Variants in GPX2 observed in about 807,000 individuals in gnomAD.
GPX2 encodes glutathione peroxidase 2, also known as gastrointestinal glutathione peroxidase.
GPX2 carries 21 observed loss-of-function variants against 14.1 expected under a neutral mutation model. The ratio of observed to expected loss-of-function variants is 1.48; its 90% CI spans 1.05 to 2.14. GPX2 has a LOEUF of 2.14. Ranked by LOEUF, GPX2 falls within the 30% of genes most tolerant of loss-of-function variation. GPX2 has a pLI of 0.00. For synonymous variants in GPX2, 94 were observed against 95.2 expected, an observed-to-expected ratio of 0.99 and a Z score of 0.07; for missense variants, 241 against 249.8, an observed-to-expected ratio of 0.96 and a Z score of 0.24.
chr14:64,942,369 C>T (rs913518971), intron 1 of GPX2, 136 bp downstream of exon 1: 6 of 671,294 alleles, frequency 8.9e-6, no homozygotes, highest in South Asian at 3.6e-5. Flanking sequence ...GTCACATGCA[C>T]CTAAAGACCT....
At position 64,939,870 on chromosome 14, in the gene GPX2, A is replaced by G. The variant is rs775196088; in HGVS notation, c.223-32T>C. 3 of 1,604,098 alleles carry G rather than the reference A, an allele frequency of 1.9e-6. No individual in the cohort carries two copies. The highest frequency in any genetic ancestry group is 1.1e-5 in the South Asian group (1 of 90,094). On this transcript the variant is annotated intron_variant, in intron 1 of 1. Coordinates refer to ENST00000389614, the MANE Select transcript of GPX2 (RefSeq NM_002083.4). The surrounding 1 kb of genome is among the most constrained non-coding windows in gnomAD (Gnocchi z 5.7). ...GAGGAAAAAGACAAAGTGCGTGGAC[A>G]GTGGGTGGGGGAAGAGAAAGATCCA... is the stretch of plus-strand genomic sequence containing the variant.
At position 64,939,832 on chromosome 14, in the gene GPX2, A is replaced by G; in HGVS notation, c.229T>C (p.Cys77Arg). The G allele has an allele frequency of 6.2e-7, 1 of 1,613,262 alleles. No homozygotes were observed. The highest frequency in any genetic ancestry group is 1.1e-5 in the South Asian group (1 of 91,074). ...CTGTTCAGGATCTCCTCATTCTGAC[A>G]GTTCTCCTAGGGGAGGAAAAAGACA... Reference protein sequence around the residue: ...PCNQFGHQENCQNEEILNSLK... With the variant: ...PCNQFGHQENRQNEEILNSLK... The change falls in exon 2 of 2, where the codon TGT becomes CGT. Residue 77 changes from cysteine to arginine, a missense_variant. Cys to Arg is a radical substitution (Grantham distance 180). Transcript: ENST00000389614. This position sits in a 1 kb window ranked among gnomAD's most constrained non-coding sequence, Gnocchi z 5.7.
Position 64,942,554 on chromosome 14 carries a change from G to A in GPX2, c.173C>T (p.Pro58Leu). 6.2e-7 allele frequency: 1 copy of A among 1,614,216 alleles called. No homozygotes were observed. Among genetic ancestry groups the A allele is most frequent in the Non-Finnish European group, 8.5e-7 (1 of 1,180,040 alleles). ...GAAGCCAAGGACCACCAGGCGCCTG[G>A]GAAAGCGGCATTGCAGCTCGTTGAG... Reference protein sequence around the residue: ...TQLNELQCRFPRRLVVLGFPC... With the variant: ...TQLNELQCRFLRRLVVLGFPC... Residue 58 changes from proline to leucine, a missense_variant, in exon 1 of 2, where the codon CCC becomes CTC. Coordinates refer to ENST00000389614, the MANE Select transcript of GPX2 (RefSeq NM_002083.4).
rs1013676538 is a variant in GPX2, at chr14:64,940,211, G to A, written c.223-373C>T. The A allele has an allele frequency of 1.5e-6, 2 of 1,301,156 alleles. No individual in the cohort carries two copies. The highest frequency in any genetic ancestry group is 2.0e-6 in the Non-Finnish European group (2 of 996,646). 80.6% of individuals were successfully genotyped at this position (1,301,156 alleles called of 1,614,324 possible). ...ACCCTGAGCAGTTCTTAAGGTGTTT[G>A]AAGCAGAAGAAAGAGAAAAGAGGCT... is the stretch of plus-strand genomic sequence containing the variant. On this transcript the variant is annotated intron_variant, in intron 1 of 1. Coordinates refer to ENST00000389614, the MANE Select transcript of GPX2 (RefSeq NM_002083.4). This position sits in a 1 kb window ranked among gnomAD's most constrained non-coding sequence, Gnocchi z 4.5.
chr14:64,940,552 A>G lies in GPX2; in HGVS notation c.223-714T>C, dbSNP rs1885577059. Among the ~76,000 whole-genome samples the G allele has an allele frequency of 6.6e-6, 1 of 152,248 alleles. No homozygotes were observed. Among genetic ancestry groups the G allele is most frequent in the African/African-American group, 2.4e-5 (1 of 41,470 alleles). ...CAAGAACATCTAGTTTTCAGGTGCCATAACAGCAGAGCAAGTTCAAGGCAA... is the reference window on the plus strand; with the variant it reads ...CAAGAACATCTAGTTTTCAGGTGCCGTAACAGCAGAGCAAGTTCAAGGCAA... On this transcript the variant is annotated intron_variant, in intron 1 of 1. Coordinates refer to ENST00000389614, the MANE Select transcript of GPX2 (RefSeq NM_002083.4). This position sits in a 1 kb window ranked among gnomAD's most constrained non-coding sequence, Gnocchi z 4.5.
chr14:64,940,159 C>G lies in GPX2; in HGVS notation c.223-321G>C, dbSNP rs1232938260. On this transcript the variant is annotated intron_variant, in intron 1 of 1. Coordinates refer to ENST00000389614, the MANE Select transcript of GPX2 (RefSeq NM_002083.4). This position sits in a 1 kb window ranked among gnomAD's most constrained non-coding sequence, Gnocchi z 4.5. ...GGCTGCTCTTCAAGATTTAGCACTT[C>G]TGAGCTGTTGCTTTTGTCTCCAGTC... 2.2e-6 allele frequency: 3 copies of G among 1,345,226 alleles called. No homozygotes were observed. Among genetic ancestry groups the G allele is most frequent in the Non-Finnish European group, 2.9e-6 (3 of 1,026,222 alleles). The allele number at this position is 1,345,226 out of a possible 1,614,324, so 83.3% of individuals were successfully genotyped here. A position where few individuals can be genotyped will look rare whatever the true frequency, so the allele number is the denominator to read the frequency against.
Position 64,940,214 on chromosome 14 carries a change from G to A in GPX2, c.223-376C>T. ...CTGAGCAGTTCTTAAGGTGTTTGAAGCAGAAGAAAGAGAAAAGAGGCTTAG... is the reference window on the plus strand; with the variant it reads ...CTGAGCAGTTCTTAAGGTGTTTGAAACAGAAGAAAGAGAAAAGAGGCTTAG... On this transcript the variant is annotated intron_variant, in intron 1 of 1. Coordinates refer to ENST00000389614, the MANE Select transcript of GPX2 (RefSeq NM_002083.4). The surrounding 1 kb of genome is among the most constrained non-coding windows in gnomAD (Gnocchi z 4.5). 7.7e-7 allele frequency: 1 copy of A among 1,299,356 alleles called. No homozygotes were observed. The highest frequency in any genetic ancestry group is 1.0e-6 in the Non-Finnish European group (1 of 995,088). The allele number at this position is 1,299,356 out of a possible 1,614,324, so 80.5% of individuals were successfully genotyped here.
chr14:64,939,466 C>G lies in GPX2; in HGVS notation c.*22G>C. On this transcript the variant is annotated 3_prime_UTR_variant, in exon 2 of 2. Coordinates refer to ENST00000389614, the MANE Select transcript of GPX2 (RefSeq NM_002083.4). This position sits in a 1 kb window ranked among gnomAD's most constrained non-coding sequence, Gnocchi z 5.7. The stretch of plus-strand genomic sequence containing the variant: ...CTCAGGACTGGATGGAGTAGGAGAT[C>G]TGTGTGTTGAGCAGTTCACATCTAT... The G allele has an allele frequency of 6.3e-7, 1 of 1,579,922 alleles. No individual in the cohort carries two copies.
intron 1 of GPX2, among the ~76,000 whole-genome samples, chr14:64,941,717 C>T (rs113991216): frequency 7.9e-5 from 12 of 152,120 alleles, no homozygotes; most frequent in African/African-American, 2.4e-4. Flanking sequence ...CCTGCTTGTA[C>T]GTTAAAATCA....
rs1885568872 is a variant in GPX2, at chr14:64,940,401, C to G, written c.223-563G>C. ...ATAGCCTTTGCCTCTGCCTACTCAG[C>G]TCCTTGAACTGAGGGTGAAATTGAG... On this transcript the variant is annotated intron_variant, in intron 1 of 1. Coordinates refer to ENST00000389614, the MANE Select transcript of GPX2 (RefSeq NM_002083.4). This position sits in a 1 kb window ranked among gnomAD's most constrained non-coding sequence, Gnocchi z 4.5. 6.6e-6 allele frequency among the ~76,000 whole-genome samples: 1 copy of G among 152,182 alleles called. No individual in the cohort carries two copies. Among genetic ancestry groups the G allele is most frequent in the African/African-American group, 2.4e-5 (1 of 41,428 alleles).
Position 64,942,575 on chromosome 14 carries a change from T to G in GPX2, c.152A>C (p.Asn51Thr). 1 of 1,614,138 alleles carries G rather than the reference T, an allele frequency of 6.2e-7. No individual in the cohort carries two copies. The highest frequency in any genetic ancestry group is 8.5e-7 in the Non-Finnish European group (1 of 1,180,010). Residue 51 changes from asparagine (N) to threonine (T), a missense_variant, in exon 1 of 2, where the codon AAC becomes ACC. Asn to Thr is a moderately conservative substitution (Grantham distance 65). Transcript: ENST00000389614. Reference protein sequence around the residue: ...GTTTRDFTQLNELQCRFPRRL... With the variant: ...GTTTRDFTQLTELQCRFPRRL... ...CCTGGGAAAGCGGCATTGCAGCTCGTTGAGCTGGGTGAAGTCCCGGGTGGT... is the reference window on the plus strand; with the variant it reads ...CCTGGGAAAGCGGCATTGCAGCTCGGTGAGCTGGGTGAAGTCCCGGGTGGT...
At position 64,940,074 on chromosome 14, in the gene GPX2, G is replaced by A. The variant is rs887272987; in HGVS notation, c.223-236C>T. 4.3e-5 allele frequency: 62 copies of A among 1,435,726 alleles called. No individual in the cohort carries two copies. The Admixed American group carries it at 6.6e-4, about 15-fold the overall frequency. 88.9% of individuals were successfully genotyped at this position (1,435,726 alleles called of 1,614,324 possible). A position where few individuals can be genotyped will look rare whatever the true frequency, so the allele number is the denominator to read the frequency against. ...TGAGACTACAGACACAGGCCACCAT[G>A]CCCGGCTAATTTTTTTTTTTTTTTG... On this transcript the variant is annotated intron_variant, in intron 1 of 1. Transcript: ENST00000389614. This position sits in a 1 kb window ranked among gnomAD's most constrained non-coding sequence, Gnocchi z 4.5.
At chr14:64,941,974 G>GTA (rs1885666426) in intron 1 of GPX2, among the ~76,000 whole-genome samples, 1 of 152,126 alleles carries the variant, frequency 6.6e-6, no homozygotes, top group African/African-American at 2.4e-5. Flanking sequence ...AGTTACTTTT[G>GTA]TATATCCTGT....
rs1325111092 is a variant in GPX2, at chr14:64,940,005, C to A, written c.223-167G>T. 7 of 1,473,518 alleles carry A rather than the reference C, an allele frequency of 4.8e-6. No homozygotes were observed. The highest frequency in any genetic ancestry group is 6.2e-6 in the Non-Finnish European group (7 of 1,122,028). The allele number at this position is 1,473,518 out of a possible 1,614,324, so 91.3% of individuals were successfully genotyped here. ...AGGTGTTGCTCACTGCAGCCTTGAA[C>A]TTCTGGGCTCAAGCATTCCTCCTGC... On this transcript the variant is annotated intron_variant, in intron 1 of 1. Coordinates refer to ENST00000389614, the MANE Select transcript of GPX2 (RefSeq NM_002083.4). The surrounding 1 kb of genome is among the most constrained non-coding windows in gnomAD (Gnocchi z 4.5).
intron 1 of GPX2, chr14:64,941,281 T>C: frequency 1.1e-6 from 1 of 948,516 alleles, no homozygotes; most frequent in Non-Finnish European, 1.4e-6. Flanking sequence ...TTGCTCAGGC[T>C]AATCTTGAAC....
In GPX2 at chr14:64,939,884, G is replaced by C; in HGVS notation, c.223-46C>G. ...AGTGCGTGGACAGTGGGTGGGGGAA[G>C]AGAAAGATCCACAACATGAAACTCT... On this transcript the variant is annotated intron_variant, in intron 1 of 1. Coordinates refer to ENST00000389614, the MANE Select transcript of GPX2 (RefSeq NM_002083.4). The surrounding 1 kb of genome is among the most constrained non-coding windows in gnomAD (Gnocchi z 5.7). 2 of 1,591,026 alleles carry C rather than the reference G, an allele frequency of 1.3e-6. No individual in the cohort carries two copies. The highest frequency in any genetic ancestry group is 1.7e-6 in the Non-Finnish European group (2 of 1,167,312).
At position 64,940,120 on chromosome 14, in the gene GPX2, G is replaced by A; in HGVS notation, c.223-282C>T. The A allele has an allele frequency of 1.5e-6, 2 of 1,377,882 alleles. No individual in the cohort carries two copies. Among genetic ancestry groups the A allele is most frequent in the Non-Finnish European group, 1.9e-6 (2 of 1,047,862 alleles). The allele number at this position is 1,377,882 out of a possible 1,614,324, so 85.4% of individuals were successfully genotyped here. Reference sequence around the variant, plus strand: ...TTTTGTAGAGATGGGGTCTCACTTTGTTGCCCATGCTTTGGCTGCTCTTCA... The same window carrying A: ...TTTTGTAGAGATGGGGTCTCACTTTATTGCCCATGCTTTGGCTGCTCTTCA... On this transcript the variant is annotated intron_variant, in intron 1 of 1. Transcript: ENST00000389614. The surrounding 1 kb of genome is among the most constrained non-coding windows in gnomAD (Gnocchi z 4.5).
Position 64,939,798 on chromosome 14 carries a change from T to G in GPX2, c.263A>C (p.Tyr88Ser). ...CTGGTATCCACCCCCAGGACGGACA[T>G]ACTTGAGACTGTTCAGGATCTCCTC... Reference protein sequence around the residue: ...QNEEILNSLKYVRPGGGYQPT... With the variant: ...QNEEILNSLKSVRPGGGYQPT... The change falls in exon 2 of 2, where the codon TAT becomes TCT. Residue 88 changes from tyrosine (Y) to serine (S), a missense_variant. By Grantham distance (144) the Tyr-to-Ser change is moderately radical. Coordinates refer to ENST00000389614, the MANE Select transcript of GPX2 (RefSeq NM_002083.4). The surrounding 1 kb of genome is among the most constrained non-coding windows in gnomAD (Gnocchi z 5.7). 1 of 1,614,134 alleles carries G rather than the reference T, an allele frequency of 6.2e-7. No homozygotes were observed. Among genetic ancestry groups the G allele is most frequent in the East Asian group, 2.2e-5 (1 of 44,876 alleles).
Position 64,940,276 on chromosome 14 carries a change from CCGACCCA to C in GPX2, c.223-445_223-439del. On this transcript the variant is annotated intron_variant, in intron 1 of 1. Coordinates refer to ENST00000389614, the MANE Select transcript of GPX2 (RefSeq NM_002083.4). This position sits in a 1 kb window ranked among gnomAD's most constrained non-coding sequence, Gnocchi z 4.5. ...TAGAACCTCCTCTTCAACTAACCTA[CCGACCCA>C]CCTACCCATAAATCCATACCTACAC... is the stretch of plus-strand genomic sequence containing the variant. 1.2e-6 allele frequency: 1 copy of C among 834,436 alleles called. No individual in the cohort carries two copies. Among genetic ancestry groups the C allele is most frequent in the Non-Finnish European group, 1.7e-6 (1 of 573,442 alleles). 51.7% of individuals were successfully genotyped at this position (834,436 alleles called of 1,614,324 possible).
Sources: allele counts gnomAD v4.1 joint callset (sites outside exome capture counted in the v4.1 genomes callset), GRCh38; gene constraint gnomAD v4.1.1; non-coding constraint Gnocchi (gnomAD v3.1); transcripts MANE v1.5; gene names NCBI Gene and HGNC (gene_info 2026-07-23, HGNC 2026-07-21).